The following NARS1 variants were observed in gnomAD, a reference collection of about 807,000 sequenced individuals.
NARS1 encodes the protein asparaginyl-tRNA synthetase 1.
NARS1 carries 65 observed loss-of-function variants against 79.2 expected under a neutral mutation model. That is an observed-to-expected ratio of 0.82 (90% CI 0.67 to 1.01). The LOEUF (loss-of-function observed/expected upper bound fraction) is 1.01. NARS1 is among the 50% of genes least tolerant of loss of function. NARS1 has a pLI of 0.00. For synonymous variants in NARS1, 229 were observed against 238.8 expected, an observed-to-expected ratio of 0.96 and a Z score of 0.38; for missense variants, 649 against 673.8, an observed-to-expected ratio of 0.96 and a Z score of 0.41.
At chr18:57,609,310 A>G (rs752578798) in intron 7 of NARS1, 47 bp downstream of exon 7, 79 of 1,466,394 alleles carry the variant, frequency 5.4e-5, no homozygotes, top group South Asian at 1.0e-4. Flanking sequence ...AAAACAAACC[A>G]ATAAATAAAC....
chr18:57,619,656 C>G (rs1195137653), intron 2 of NARS1, among the ~76,000 whole-genome samples: 1 of 152,150 alleles, frequency 6.6e-6, no homozygotes, highest in Non-Finnish European at 1.5e-5. Flanking sequence ...ACACTTTACT[C>G]TGATATAATC....
intron 4 of NARS1, among the ~76,000 whole-genome samples, 193 bp from the exon 5 acceptor site, chr18:57,613,873 A>C (rs2051626139): frequency 6.6e-6 from 1 of 152,246 alleles, no homozygotes. Context: ...AACAAAAAAA[A>C]ATCCAAGTCT....
At chr18:57,612,366 C>A (rs1568165150) in intron 5 of NARS1, among the ~76,000 whole-genome samples, 1 of 152,148 alleles carries the variant, frequency 6.6e-6, no homozygotes, top group Non-Finnish European at 1.5e-5. Context: ...ATCACTTTTT[C>A]TTATTTATGT....
Position 57,606,607 on chromosome 18 carries a change from T to C in NARS1, c.1137+9A>G. 1 of 1,612,354 alleles carries C rather than the reference T, an allele frequency of 6.2e-7. No individual in the cohort carries two copies. Among genetic ancestry groups the C allele is most frequent in the Non-Finnish European group, 8.5e-7 (1 of 1,178,978 alleles). ...TGTGACTTTTTCTTTCCATAAACAC[T>C]GCACCTACCGGGTTGAGCTCATGCA... On this transcript the variant is annotated intron_variant, in intron 10 of 13. Transcript: ENST00000256854.
chr18:57,617,295 G>T (rs1305455290), intron 2 of NARS1, among the ~76,000 whole-genome samples: 1 of 152,098 alleles, frequency 6.6e-6, no homozygotes. Context: ...ATCTGAGGCC[G>T]GGCATGGTGG....
chr18:57,607,592 T>G lies in NARS1; in HGVS notation c.653A>C (p.Asn218Thr), dbSNP rs200140879. The change falls in exon 8 of 14, where the codon AAC (asparagine) becomes ACC (threonine). Residue 218 changes from asparagine to threonine, a missense_variant. Asn to Thr is a moderately conservative substitution (Grantham distance 65). Transcript: ENST00000256854. Reference sequence around the variant, plus strand: ...AACGTCAGACTCCTCATTGATCAGGTTGTCAGCTCCTCCAGCAGGGGCCAA... The same window carrying G: ...AACGTCAGACTCCTCATTGATCAGGGTGTCAGCTCCTCCAGCAGGGGCCAA... ...IGLAPAGGAD[N>T]LINEESDVDV... is the part of the protein sequence containing the mutation. The G allele has an allele frequency of 1.2e-6, 2 of 1,613,996 alleles. No individual in the cohort carries two copies. Among genetic ancestry groups the G allele is most frequent in the East Asian group, 2.2e-5 (1 of 44,878 alleles).
At chr18:57,615,787 A>G in intron 3 of NARS1, 30 bp downstream of exon 3, 1 of 1,610,940 alleles carries the variant, frequency 6.2e-7, no homozygotes, top group Non-Finnish European at 8.5e-7. Context: ...TAACTTTAAC[A>G]ACGTTCACGA....
intron 7 of NARS1, among the ~76,000 whole-genome samples, chr18:57,608,232 C>T (rs961211522): frequency 2.0e-5 from 3 of 151,614 alleles, no homozygotes; most frequent in Non-Finnish European, 2.9e-5. Context: ...GGGTGGATAA[C>T]GAGGTCAGGA....
intron 11 of NARS1, among the ~76,000 whole-genome samples, chr18:57,604,674 G>A (rs1047841628): frequency 2.6e-5 from 4 of 152,196 alleles, no homozygotes; most frequent in African/African-American, 9.7e-5. Flanking sequence ...AGGACTGCTT[G>A]AGCCAAGGAG....
chr18:57,601,447 A>G lies in NARS1; in HGVS notation c.*205T>C, dbSNP rs2051504966. 1 of 454,070 alleles carries G rather than the reference A, an allele frequency of 2.2e-6. No homozygotes were observed. The highest frequency in any genetic ancestry group is 3.6e-5 in the East Asian group (1 of 27,494). The allele number at this position is 454,070 out of a possible 1,614,324, so 28.1% of individuals were successfully genotyped here. On this transcript the variant is annotated 3_prime_UTR_variant, in exon 14 of 14. Coordinates refer to ENST00000256854, the MANE Select transcript of NARS1 (RefSeq NM_004539.4). ...CCGAACTTTGTTTCCCGAACTTAAG[A>G]AAAAAATGGATATTTTTTCTTAAGA...
chr18:57,611,601 T>A (rs769849334), intron 6 of NARS1, 36 bp downstream of exon 6: 7 of 1,387,184 alleles, frequency 5.0e-6, no homozygotes, highest in Non-Finnish European at 7.0e-6. Context: ...ACTGAAAACA[T>A]CTAATTTTCA....
chr18:57,609,634 GACATATACATGTAAATATAT>G (rs2051589387), intron 6 of NARS1, among the ~76,000 whole-genome samples, 191 bp from the exon 7 acceptor site: 1 of 151,982 alleles, frequency 6.6e-6, no homozygotes, highest in Non-Finnish European at 1.5e-5. Context: ...TCTATATATA[GACATATACATGTAAATATAT>G]ACATATACAT....
chr18:57,612,235 A>G (rs1428188265), intron 5 of NARS1, among the ~76,000 whole-genome samples: 2 of 152,186 alleles, frequency 1.3e-5, no homozygotes, highest in African/African-American at 4.8e-5. Context: ...CCACACAACC[A>G]GGGGAAAGCA....
intron 7 of NARS1, among the ~76,000 whole-genome samples, 182 bp from the exon 8 acceptor site, chr18:57,607,847 A>G (rs1036342290): frequency 6.6e-6 from 1 of 151,590 alleles, no homozygotes; most frequent in East Asian, 1.9e-4. Context: ...GGATAAATAC[A>G]CACTCACATA....
At position 57,602,850 on chromosome 18, in the gene NARS1, T is replaced by C. The variant is rs367852140; in HGVS notation, c.1345A>G (p.Met449Val). 3.7e-6 allele frequency: 6 copies of C among 1,614,142 alleles called. No individual in the cohort carries two copies. The highest frequency in any genetic ancestry group is 1.7e-5 in the Admixed American group (1 of 60,014). The change falls in exon 12 of 14, where the codon ATG (methionine) becomes GTG (valine). Residue 449 changes from methionine to valine, a missense_variant. By Grantham distance (21) the Met-to-Val change is conservative. Transcript: ENST00000256854. ...RFPVEIKSFY[M>V]QRCPEDSRLT... ...CGGGAATCCTCAGGACATCGCTGCA[T>C]GTAGAAGGACTTGATCTCCACAGGA...
At chr18:57,604,156 C>G (rs1214000160) in intron 11 of NARS1, among the ~76,000 whole-genome samples, 5 of 152,244 alleles carry the variant, frequency 3.3e-5, no homozygotes, top group African/African-American at 1.2e-4. Flanking sequence ...TCTGACTCCA[C>G]AGCTTGTGTT....
chr18:57,614,392 T>C (rs919252494), intron 4 of NARS1, among the ~76,000 whole-genome samples: 2 of 152,026 alleles, frequency 1.3e-5, no homozygotes, highest in Admixed American at 6.6e-5. Flanking sequence ...TCCCAGCTAC[T>C]TGGGAGTCTG....
chr18:57,621,485 C>A (rs1399511395), intron 1 of NARS1, among the ~76,000 whole-genome samples: 9 of 152,216 alleles, frequency 5.9e-5, no homozygotes, highest in South Asian at 2.1e-4. Flanking sequence ...CCACCGCCAT[C>A]GCAGCCCGGG....
Position 57,620,588 on chromosome 18 carries a change from G to T in NARS1, c.74C>A (p.Pro25Gln). The change falls in exon 2 of 14, where the codon CCA (proline) becomes CAA (glutamine). Residue 25 changes from proline to glutamine, a missense_variant. Coordinates refer to ENST00000256854, the MANE Select transcript of NARS1 (RefSeq NM_004539.4). ...CTCTACCTTTAGACCTGTTTTAAAT[G>T]GTTTCTCCTTGGTTCCATCTCCCGT... Reference protein sequence around the residue: ...DATGDGTKEKPFKTGLKALMT... With the variant: ...DATGDGTKEKQFKTGLKALMT... 1 of 1,612,332 alleles carries T rather than the reference G, an allele frequency of 6.2e-7. No individual in the cohort carries two copies. The highest frequency in any genetic ancestry group is 8.5e-7 in the Non-Finnish European group (1 of 1,178,862).
Sources: gnomAD v4.1 joint callset for allele counts (sites outside exome capture counted in the v4.1 genomes callset) on GRCh38, gnomAD v4.1.1 for gene constraint, MANE v1.5 for transcripts, NCBI Gene and HGNC (gene_info 2026-07-23, HGNC 2026-07-21) for gene names.